Variants in PTPRE observed in about 807,000 individuals in gnomAD.
The protein encoded by PTPRE is receptor-type tyrosine-protein phosphatase epsilon.
In PTPRE, 51 loss-of-function variants were observed where a neutral mutation model predicts 102.0. That is an observed-to-expected ratio of 0.50 (90% CI 0.40 to 0.63). The LOEUF is 0.63. Among genes scored for constraint, PTPRE ranks in the 30% least tolerant of loss-of-function variants. The pLI is 0.00. For synonymous variants in PTPRE, 345 were observed against 348.2 expected (o/e 0.99, Z 0.10); for missense variants, 752 against 915.1 (o/e 0.82, Z 2.30).
At chr10:128,062,525 C>T (rs769534379) in intron 9 of PTPRE, among the ~76,000 whole-genome samples, 6 of 152,172 alleles carry the variant, frequency 3.9e-5, no homozygotes, top group Non-Finnish European at 5.9e-5. Flanking sequence ...CTTATCTCCC[C>T]GCCCATCCCC....
intron 2 of PTPRE, among the ~76,000 whole-genome samples, chr10:128,027,095 C>A (rs1846340474): frequency 6.6e-6 from 1 of 152,206 alleles, no homozygotes; most frequent in African/African-American, 2.4e-5. Flanking sequence ...GTGGGCAGGA[C>A]TTATAGTAGT....
At chr10:128,051,698 C>T (rs905553159) in intron 6 of PTPRE, among the ~76,000 whole-genome samples, 3 of 152,264 alleles carry the variant, frequency 2.0e-5, no homozygotes, top group African/African-American at 7.2e-5. Flanking sequence ...TCCTCATTCT[C>T]TTCTGCCACT....
At chr10:127,909,212 T>C (rs1356216684) in intron 1 of PTPRE, among the ~76,000 whole-genome samples, 1 of 152,152 alleles carries the variant, frequency 6.6e-6, no homozygotes, top group Non-Finnish European at 1.5e-5. Flanking sequence ...CCATTGCCCC[T>C]GAGAGTAGAT....
intron 1 of PTPRE, among the ~76,000 whole-genome samples, chr10:127,946,731 G>A (rs1848646890): frequency 6.6e-6 from 1 of 152,214 alleles, no homozygotes; most frequent in African/African-American, 2.4e-5. Context: ...GGGAGGAGTA[G>A]GAAGAAAAGA....
At chr10:128,007,222 G>GA (rs1003207560) in intron 2 of PTPRE, among the ~76,000 whole-genome samples, 3 of 152,124 alleles carry the variant, frequency 2.0e-5, no homozygotes, top group Admixed American at 6.6e-5. Flanking sequence ...CTGGGTGGGG[G>GA]AAAAATACTG....
chr10:128,070,732 C>A lies in PTPRE; in HGVS notation c.1294-76C>A. ...TTTGAGCAGGCGTCCTTGCCAGCAGCACTAGTCCTCGGCTGAGCAATGTGC... is the reference window on the plus strand; with the variant it reads ...TTTGAGCAGGCGTCCTTGCCAGCAGAACTAGTCCTCGGCTGAGCAATGTGC... On this transcript the variant is annotated intron_variant, in intron 14 of 20. Transcript: ENST00000254667. This position sits in a 1 kb window ranked among gnomAD's most constrained non-coding sequence, Gnocchi z 4.8. The A allele has an allele frequency of 6.8e-7, 1 of 1,474,402 alleles. No homozygotes were observed. Among genetic ancestry groups the A allele is most frequent in the Non-Finnish European group, 9.4e-7 (1 of 1,067,354 alleles). 91.3% of individuals were successfully genotyped at this position (1,474,402 alleles called of 1,614,324 possible). A position where few individuals can be genotyped will look rare whatever the true frequency, so the allele number is the denominator to read the frequency against.
At chr10:128,074,042 A>G (rs74515350) in intron 17 of PTPRE, among the ~76,000 whole-genome samples, 9,654 of 152,280 alleles carry the variant, frequency 0.063, 407 homozygotes, top group Middle Eastern at 0.096. Flanking sequence ...GATCATTTTC[A>G]TCAACCCAAA....
At chr10:128,052,333 A>G (rs1848623971) in intron 6 of PTPRE, among the ~76,000 whole-genome samples, 1 of 152,228 alleles carries the variant, frequency 6.6e-6, no homozygotes. Context: ...TGCATTGCCA[A>G]TTCAAAGTGC....
rs1219281377 is a variant in PTPRE at position 128,073,380 on chromosome 10, T to A, written c.1508T>A (p.Leu503Gln). The change falls in exon 17 of 21, where the codon CTG (leucine) becomes CAG (glutamine). Residue 503 changes from leucine (L) to glutamine (Q), a missense_variant. Physicochemically the swap from Leu to Gln is moderately radical, Grantham distance 113. This residue lies in a region of PTPRE where 636 missense variants were observed against 824.4 expected (regional missense o/e 0.77). Coordinates refer to ENST00000254667, the MANE Select transcript of PTPRE (RefSeq NM_006504.6). ...KDYFIATQGP[L>Q]AHTVEDFWRM... Reference sequence around the variant, plus strand: ...TATTTCATCGCCACCCAGGGGCCACTGGCACACACGGTTGAGGACTTCTGG... The same window carrying A: ...TATTTCATCGCCACCCAGGGGCCACAGGCACACACGGTTGAGGACTTCTGG... 1 of 1,614,244 alleles carries A rather than the reference T, an allele frequency of 6.2e-7. No homozygotes were observed. The highest frequency in any genetic ancestry group is 8.5e-7 in the Non-Finnish European group (1 of 1,180,038).
At chr10:128,035,146 C>T (rs956689821) in intron 2 of PTPRE, among the ~76,000 whole-genome samples, 2 of 152,026 alleles carry the variant, frequency 1.3e-5, no homozygotes, top group Non-Finnish European at 2.9e-5. Flanking sequence ...CCGCGCCCAG[C>T]TAATTTTTTG....
chr10:127,980,898 T>C (rs979509293), intron 1 of PTPRE, among the ~76,000 whole-genome samples: 1 of 152,202 alleles, frequency 6.6e-6, no homozygotes, highest in African/African-American at 2.4e-5. Context: ...GCATTCACTA[T>C]TTAAAAATAG....
intron 2 of PTPRE, among the ~76,000 whole-genome samples, chr10:128,030,287 G>A (rs1321739781): frequency 6.6e-6 from 1 of 152,216 alleles, no homozygotes; most frequent in African/African-American, 2.4e-5. Context: ...CAGTTTACAA[G>A]ACTCACTCAT....
intron 1 of PTPRE, among the ~76,000 whole-genome samples, chr10:127,980,743 T>C (rs899906514): frequency 6.6e-6 from 1 of 152,188 alleles, no homozygotes; most frequent in Non-Finnish European, 1.5e-5. Context: ...ACAATATACA[T>C]TTAAACAATT....
intron 1 of PTPRE, among the ~76,000 whole-genome samples, chr10:127,958,699 T>C (rs1199219586): frequency 6.6e-6 from 1 of 152,170 alleles, no homozygotes; most frequent in Non-Finnish European, 1.5e-5. Flanking sequence ...TTGAGGGTAA[T>C]ATGGGCATCA....
rs536956265 is a variant in PTPRE at position 128,057,254 on chromosome 10, C to T, written c.511+1041C>T. On this transcript the variant is annotated intron_variant, in intron 7 of 20. Transcript: ENST00000254667. ...AAGATCTGGCCCAGCAGCAGGGGGG[C>T]GGGGCGTGCAGTTGGGGATCCTTCA... Among the ~76,000 whole-genome samples the T allele has an allele frequency of 3.9e-5, 6 of 152,030 alleles. No homozygotes were observed. In the South Asian group the frequency reaches 1.0e-3, roughly 26 times the overall value.
rs140453848 is a variant in PTPRE, at chr10:128,030,762, G to A, written c.-7-10113G>A. On this transcript the variant is annotated intron_variant, in intron 2 of 20. Coordinates refer to ENST00000254667, the MANE Select transcript of PTPRE (RefSeq NM_006504.6). Reference sequence around the variant, plus strand: ...CCAGGGGAGACTCCTGGTCGCCCGCGTCCTATTCAGGTTCTGTGGGTTCCC... The same window carrying A: ...CCAGGGGAGACTCCTGGTCGCCCGCATCCTATTCAGGTTCTGTGGGTTCCC... 1.0e-2 allele frequency among the ~76,000 whole-genome samples: 1,522 copies of A among 152,210 alleles called. 32 individuals are homozygous for A. Among genetic ancestry groups the A allele is most frequent in the African/African-American group, 0.035 (1,444 of 41,538 alleles).
In PTPRE at chr10:127,988,739, T is replaced by C. The variant is rs74335202; in HGVS notation, c.-8+6443T>C. Among the ~76,000 whole-genome samples, 553 of 152,242 alleles carry C rather than the reference T, an allele frequency of 3.6e-3. 19 individuals are homozygous for C. In the East Asian group the frequency reaches 0.09, roughly 25 times the overall value. ...TCTCTATTGGGTACTATGTTCACTA[T>C]TGGGGTGATAGGTTCAATAGAAGCT... On this transcript the variant is annotated intron_variant, in intron 2 of 20. Coordinates refer to ENST00000254667, the MANE Select transcript of PTPRE (RefSeq NM_006504.6).
chr10:127,988,227 C>A (rs1406489493), intron 2 of PTPRE, among the ~76,000 whole-genome samples: 1 of 152,282 alleles, frequency 6.6e-6, no homozygotes, highest in Non-Finnish European at 1.5e-5. Flanking sequence ...TGGGGGTGGC[C>A]CCCTGTGGAT....
chr10:127,996,067 G>A (rs1217046183), intron 2 of PTPRE, among the ~76,000 whole-genome samples: 1 of 152,180 alleles, frequency 6.6e-6, no homozygotes, highest in African/African-American at 2.4e-5. Context: ...CCAGGAATCA[G>A]TGTGATTCAC....
Sources: allele counts gnomAD v4.1 joint callset (sites outside exome capture counted in the v4.1 genomes callset), GRCh38; gene constraint gnomAD v4.1.1; regional missense constraint gnomAD v4.1.1; non-coding constraint Gnocchi (gnomAD v3.1); transcripts MANE v1.5; gene names NCBI Gene and HGNC (gene_info 2026-07-23, HGNC 2026-07-21).